The following SEC31A variants were observed in gnomAD, a reference collection of about 807,000 sequenced individuals.
The protein encoded by SEC31A is protein transport protein Sec31A.
A neutral mutation model predicts 151.0 loss-of-function variants in SEC31A; 70 were observed. The observed-to-expected ratio is 0.46, with a 90% CI of 0.38 to 0.57. The LOEUF (loss-of-function observed/expected upper bound fraction) is 0.57, where lower values mean the gene tolerates loss of function less well. Among genes scored for constraint, SEC31A ranks in the 20% least tolerant of loss-of-function variants. The pLI, the probability that SEC31A is intolerant of heterozygous loss-of-function variation, is 0.00. For synonymous variants in SEC31A, 475 were observed against 505.9 expected (o/e 0.94, Z 0.82); for missense variants, 1,330 against 1,471.2 (o/e 0.90, Z 1.57).
chr4:82,892,136 G>A (rs1719836525), upstream of SEC31A, among the ~76,000 whole-genome samples: 1 of 152,130 alleles, frequency 6.6e-6, no homozygotes, highest in Non-Finnish European at 1.5e-5. Flanking sequence ...ATCAATTCAC[G>A]CCAACTTCTG....
rs552744864 is a variant in SEC31A at position 82,844,074 on chromosome 4, A to G, written c.2626+312T>C. On this transcript the variant is annotated intron_variant, in intron 21 of 26. Transcript: ENST00000395310. ...TCTTGCCTGAAGAAAAAGAATATGTAAAAAATAATTTCTAAAATTCTGTTT... is the reference window on the plus strand; with the variant it reads ...TCTTGCCTGAAGAAAAAGAATATGTGAAAAATAATTTCTAAAATTCTGTTT... The G allele has an allele frequency of 1.6e-4, 55 of 347,416 alleles. No homozygotes were observed. In the South Asian group the frequency reaches 8.0e-3, roughly 51 times the overall value. The allele number at this position is 347,416 out of a possible 1,614,324, so 21.5% of individuals were successfully genotyped here. A position where few individuals can be genotyped will look rare whatever the true frequency, so the allele number is the denominator to read the frequency against.
intron 7 of SEC31A, 110 bp downstream of exon 7, chr4:82,871,834 A>G: frequency 7.2e-7 from 1 of 1,390,680 alleles, no homozygotes; most frequent in Non-Finnish European, 9.8e-7. Flanking sequence ...GCAAAACTCC[A>G]TCTAAAAAAA....
intron 10 of SEC31A, among the ~76,000 whole-genome samples, chr4:82,865,920 T>C (rs897329821): frequency 6.6e-6 from 1 of 152,046 alleles, no homozygotes; most frequent in African/African-American, 2.4e-5. Flanking sequence ...TTGTAGTGTA[T>C]ATTTTAAAAT....
At chr4:82,897,623 C>CAGCTA (rs1472155738) in intron 3 of SEC31A, 2 of 152,012 alleles carry the variant, frequency 1.3e-5, no homozygotes, top group Non-Finnish European at 2.9e-5. Context: ...CATGTGGTCC[C>CAGCTA]AGCTACTTAG....
Position 82,828,099 on chromosome 4 carries a change from G to C in SEC31A, c.3028-467C>G, listed in dbSNP as rs576611335. ...CCAGCTAATTTTTGTATTTTTAGTA[G>C]AGATGGGGTTTGACCATACTGGCCA... On this transcript the variant is annotated intron_variant, in intron 23 of 26. Coordinates refer to ENST00000395310, the MANE Select transcript of SEC31A (RefSeq NM_001077207.4). Among the ~76,000 whole-genome samples the C allele has an allele frequency of 5.9e-5, 9 of 152,250 alleles. No individual in the cohort carries two copies. In the East Asian group the frequency reaches 1.7e-3, roughly 29 times the overall value.
chr4:82,838,465 T>C (rs1939860358), intron 22 of SEC31A, among the ~76,000 whole-genome samples: 1 of 152,288 alleles, frequency 6.6e-6, no homozygotes, highest in African/African-American at 2.4e-5. Flanking sequence ...TACCTAGAAC[T>C]AGGAAAGAGC....
At position 82,828,887 on chromosome 4, in the gene SEC31A, A is replaced by T. The variant is rs1725258953; in HGVS notation, c.3027+113T>A. ...GCATGTTGAAATACACTTTAAATAC[A>T]TCACTCAGTAAGCTTCGCCTTTAAA... On this transcript the variant is annotated intron_variant, in intron 23 of 26. Coordinates refer to ENST00000395310, the MANE Select transcript of SEC31A (RefSeq NM_001077207.4). 21 of 750,906 alleles carry T rather than the reference A, an allele frequency of 2.8e-5. No homozygotes were observed. In the South Asian group the frequency reaches 3.6e-4, roughly 13 times the overall value. 46.5% of individuals were successfully genotyped at this position (750,906 alleles called of 1,614,324 possible).
chr4:82,825,594 T>C (rs1360457829), intron 24 of SEC31A, among the ~76,000 whole-genome samples: 4 of 152,144 alleles, frequency 2.6e-5, no homozygotes, highest in African/African-American at 9.7e-5. Flanking sequence ...AAAAGGCCAG[T>C]ATAGCTGGAG....
chr4:82,846,943 G>A (rs1730369469), intron 20 of SEC31A, among the ~76,000 whole-genome samples: 1 of 152,176 alleles, frequency 6.6e-6, no homozygotes, highest in Admixed American at 6.5e-5. Context: ...TCGAACTCCT[G>A]ACCTCAGGGG....
At chr4:82,878,625 C>G in intron 4 of SEC31A, 105 bp downstream of exon 4, 2 of 903,038 alleles carry the variant, frequency 2.2e-6, no homozygotes, top group Non-Finnish European at 3.5e-6. Context: ...TGTATAGCCA[C>G]AGTTTTTTAA....
chr4:82,837,429 G>A (rs549283657), intron 22 of SEC31A, among the ~76,000 whole-genome samples: 1 of 151,714 alleles, frequency 6.6e-6, no homozygotes, highest in Non-Finnish European at 1.5e-5. Context: ...TTGAGACAGG[G>A]TCTCACTGCC....
Position 82,822,922 on chromosome 4 carries a change from G to A in SEC31A, c.3411+1633C>T, listed in dbSNP as rs551677720. Among the ~76,000 whole-genome samples the A allele has an allele frequency of 2.2e-4, 34 of 152,102 alleles. No homozygotes were observed. In the South Asian group the frequency reaches 2.3e-3, roughly 10 times the overall value. On this transcript the variant is annotated intron_variant, in intron 25 of 26. Transcript: ENST00000395310. ...TGGGAGGCGGAGGTTGCAGTGAGCCGAGATTGCACCATTGCACTCCAGCCT... is the reference window on the plus strand; with the variant it reads ...TGGGAGGCGGAGGTTGCAGTGAGCCAAGATTGCACCATTGCACTCCAGCCT...
chr4:82,840,356 G>C (rs979130345), intron 22 of SEC31A, among the ~76,000 whole-genome samples: 1 of 152,048 alleles, frequency 6.6e-6, no homozygotes, highest in African/African-American at 2.4e-5. Context: ...CAACTACCGA[G>C]AAAGGATACT....
At chr4:82,844,543 C>T (rs370011059) in intron 20 of SEC31A, 34 bp from the exon 21 acceptor site, 1 of 1,601,624 alleles carries the variant, frequency 6.2e-7, no homozygotes, top group Admixed American at 1.7e-5. Context: ...AAGGCGGATA[C>T]AAGTAGAACC....
chr4:82,830,201 T>C (rs1055907198), intron 22 of SEC31A, among the ~76,000 whole-genome samples: 1 of 152,250 alleles, frequency 6.6e-6, no homozygotes, highest in Non-Finnish European at 1.5e-5. Flanking sequence ...CAGTGGCTCA[T>C]GCCTGTAATT....
At chr4:82,827,333 C>T in intron 24 of SEC31A, 36 bp downstream of exon 24, 1 of 1,595,900 alleles carries the variant, frequency 6.3e-7, no homozygotes, top group Middle Eastern at 1.7e-4. Context: ...GAAACACAGC[C>T]ATCTTCCCAT....
chr4:82,868,541 A>G (rs1012136130), intron 8 of SEC31A, among the ~76,000 whole-genome samples: 1 of 151,946 alleles, frequency 6.6e-6, no homozygotes, highest in Non-Finnish European at 1.5e-5. Context: ...ATAAATAAAT[A>G]GAAAATGGCT....
At chr4:82,870,209 G>T in intron 8 of SEC31A, 116 bp downstream of exon 8, 1 of 721,266 alleles carries the variant, frequency 1.4e-6, no homozygotes, top group Non-Finnish European at 2.4e-6. Context: ...GCACACACAC[G>T]TCCACATACT....
intron 20 of SEC31A, among the ~76,000 whole-genome samples, chr4:82,846,567 CT>C (rs1730268886): frequency 6.6e-6 from 1 of 151,848 alleles, no homozygotes; most frequent in Non-Finnish European, 1.5e-5. Context: ...AGACCAACCC[CT>C]CCTCTTCAGC....
Sources: gnomAD v4.1 joint callset for allele counts (sites outside exome capture counted in the v4.1 genomes callset) on GRCh38, gnomAD v4.1.1 for gene constraint, MANE v1.5 for transcripts, NCBI Gene and HGNC (gene_info 2026-07-23, HGNC 2026-07-21) for gene names.